BRF1: variants seen among roughly 807,000 people sequenced by gnomAD.
The protein encoded by BRF1 is transcription factor IIIB 90 kDa subunit.
In BRF1, 59 loss-of-function variants were observed where a neutral mutation model predicts 81.7. The observed-to-expected ratio is 0.72, with a 90% CI of 0.59 to 0.90. The LOEUF (loss-of-function observed/expected upper bound fraction) is 0.90. BRF1 is among the 40% of genes least tolerant of loss of function. The pLI, the probability that BRF1 is intolerant of heterozygous loss-of-function variation, is 0.00. For missense variants in BRF1, 1,050 were observed against 936.3 expected (o/e 1.12, Z -1.58); for synonymous variants, 491 against 395.6 (o/e 1.24, Z -2.86).
chr14:105,211,262 G>T lies in BRF1; in HGVS notation c.1856C>A (p.Ala619Asp). 12 of 1,606,520 alleles carry T rather than the reference G, an allele frequency of 7.5e-6. No individual in the cohort carries two copies. The highest frequency in any genetic ancestry group is 1.0e-5 in the Non-Finnish European group (12 of 1,176,678). Residue 619 changes from alanine (A) to aspartate (D), a missense_variant, in exon 17 of 18, where the codon GCT becomes GAT. Transcript: ENST00000547530. ...CACCGCCTGGGGCCTGGCAGGCTCA[G>T]CTCCGAGGGTGGGAGAGCTTGGGAG... is the stretch of plus-strand genomic sequence containing the variant. ...ALLPSSPTLG[A>D]EPARPQAVLV...
intron 5 of BRF1, chr14:105,250,153 G>A (rs774765239): frequency 6.2e-7 from 1 of 1,613,002 alleles, no homozygotes; most frequent in South Asian, 1.1e-5. Flanking sequence ...GCATCTTCCT[G>A]TGGTACACGG....
chr14:105,220,033 G>C, intron 12 of BRF1, 36 bp downstream of exon 12: 7 of 1,607,734 alleles, frequency 4.4e-6, no homozygotes, highest in Non-Finnish European at 5.9e-6. Context: ...GCCCTCCCAA[G>C]CCCAGCCCCT....
chr14:105,250,675 T>G (rs781041503), intron 5 of BRF1: 1 of 1,601,250 alleles, frequency 6.2e-7, no homozygotes, highest in Admixed American at 1.7e-5. Flanking sequence ...ATGCCTGAGG[T>G]GCCCGGGGAG....
intron 3 of BRF1, among the ~76,000 whole-genome samples, chr14:105,264,666 CAAAAAAAAAAAA>C (rs56970432): frequency 1.6e-5 from 1 of 60,794 alleles, no homozygotes; most frequent in Admixed American, 2.1e-4. Context: ...GACTCCATCT[CAAAAAAAAAAAA>C]AAAAAAAAAA....
At chr14:105,249,274 C>T in intron 5 of BRF1, 6 of 1,563,276 alleles carry the variant, frequency 3.8e-6, no homozygotes, top group African/African-American at 1.3e-5. Context: ...CCTCTCGGAA[C>T]GCGTGCCCCG....
chr14:105,252,312 C>G (rs587768623), intron 5 of BRF1, 195 bp downstream of exon 5: 2 of 951,848 alleles, frequency 2.1e-6, no homozygotes, highest in African/African-American at 1.8e-5. Context: ...TGCACTCCAG[C>G]CTGGACAACA....
At chr14:105,226,554 G>C (rs2141563003) in intron 8 of BRF1, 80 bp downstream of exon 8, 1 of 1,595,762 alleles carries the variant, frequency 6.3e-7, no homozygotes, top group Non-Finnish European at 8.5e-7. Context: ...CACCAGCTCT[G>C]CTACAACCCC....
intron 1 of BRF1, among the ~76,000 whole-genome samples, chr14:105,290,897 C>T (rs1367056307): frequency 3.9e-5 from 6 of 151,946 alleles, no homozygotes; most frequent in African/African-American, 4.8e-5. Context: ...CACCCTGGTG[C>T]GTGCACACTT....
chr14:105,250,882 T>G (rs587770466), intron 5 of BRF1: 8 of 598,312 alleles, frequency 1.3e-5, no homozygotes, highest in African/African-American at 1.3e-4. Flanking sequence ...GGTGCACGTC[T>G]CAGGTGGAGG....
chr14:105,279,113 G>A (rs1415403844), intron 2 of BRF1, among the ~76,000 whole-genome samples: 1 of 152,146 alleles, frequency 6.6e-6, no homozygotes, highest in Non-Finnish European at 1.5e-5. Context: ...GGAGGCTGAA[G>A]TGAGAGGGCG....
intron 5 of BRF1, chr14:105,246,786 G>C (rs1384772247): frequency 1.0e-6 from 1 of 981,762 alleles, no homozygotes; most frequent in Non-Finnish European, 1.2e-6. Context: ...AAATCAAAGT[G>C]CAAAGGGTGG....
At chr14:105,272,257 C>T (rs1394536370) in intron 3 of BRF1, among the ~76,000 whole-genome samples, 1 of 152,050 alleles carries the variant, frequency 6.6e-6, no homozygotes, top group Admixed American at 6.6e-5. Context: ...CTGCACACCG[C>T]TGAGGGTCGG....
At chr14:105,298,103 T>C (rs781287919) in intron 1 of BRF1, among the ~76,000 whole-genome samples, 1 of 152,238 alleles carries the variant, frequency 6.6e-6, no homozygotes, top group Non-Finnish European at 1.5e-5. Flanking sequence ...TTTCAGATTT[T>C]TCGATTAGGG....
intron 2 of BRF1, among the ~76,000 whole-genome samples, chr14:105,280,481 A>C (rs997133339): frequency 2.0e-5 from 3 of 152,272 alleles, no homozygotes; most frequent in Non-Finnish European, 4.4e-5. Context: ...AAACCCATAG[A>C]ACACGCACCG....
chr14:105,312,507 G>A (rs1386174236), intron 1 of BRF1, among the ~76,000 whole-genome samples: 1 of 152,150 alleles, frequency 6.6e-6, no homozygotes, highest in African/African-American at 2.4e-5. Context: ...CCAAGTTCCT[G>A]CTTTAAAGAA....
At chr14:105,245,084 C>T (rs1382308556) in intron 5 of BRF1, among the ~76,000 whole-genome samples, 1 of 152,132 alleles carries the variant, frequency 6.6e-6, no homozygotes, top group African/African-American at 2.4e-5. Context: ...ATGGGTCAGG[C>T]GTGGTGGCTC....
rs992005871 is a variant in BRF1, at chr14:105,218,889, C to T, written c.1515+109G>A. ...AGCACATGGCCTCCGGCTGCCTGCC[C>T]TGGGGCCTAGACCCTCCTGTCACAT... On this transcript the variant is annotated intron_variant, in intron 14 of 17. Coordinates refer to ENST00000547530, the MANE Select transcript of BRF1 (RefSeq NM_001519.4). The T allele has an allele frequency of 3.1e-5, 47 of 1,507,740 alleles. 1 individual carries two copies. In the African/African-American group the frequency reaches 5.1e-4, roughly 17 times the overall value. The allele number at this position is 1,507,740 out of a possible 1,614,324, so 93.4% of individuals were successfully genotyped here. A position where few individuals can be genotyped will look rare whatever the true frequency, so the allele number is the denominator to read the frequency against.
At chr14:105,217,338 G>T in intron 15 of BRF1, 1 of 777,844 alleles carries the variant, frequency 1.3e-6, no homozygotes, top group African/African-American at 1.7e-5. Context: ...CCGCCCGTCC[G>T]CTCACAGCCT....
rs932182269 is a variant in BRF1, at chr14:105,248,742, C to T, written c.544+3765G>A. The T allele has an allele frequency of 1.6e-5, 16 of 981,858 alleles. No individual in the cohort carries two copies. In the African/African-American group the frequency reaches 2.3e-4, roughly 14 times the overall value. The allele number at this position is 981,858 out of a possible 1,614,324, so 60.8% of individuals were successfully genotyped here. ...GCTGCCCCTAGCCTGCCTGCACGGC[C>T]GCGTCGCTCAGTGCCTGACCTCCTT... On this transcript the variant is annotated intron_variant, in intron 5 of 17. Coordinates refer to ENST00000547530, the MANE Select transcript of BRF1 (RefSeq NM_001519.4).
Sources: allele counts gnomAD v4.1 joint callset (sites outside exome capture counted in the v4.1 genomes callset), GRCh38; gene constraint gnomAD v4.1.1; transcripts MANE v1.5; gene names NCBI Gene and HGNC (gene_info 2026-07-23, HGNC 2026-07-21).